KAZN: variants seen among roughly 807,000 people sequenced by gnomAD.
The protein encoded by KAZN is kazrin, periplakin interacting protein.
Under a neutral mutation model 87.4 loss-of-function variants are expected in KAZN, and 40 were observed. The ratio of observed to expected loss-of-function variants is 0.46; its 90% CI spans 0.36 to 0.60. KAZN has a LOEUF of 0.60. Among genes scored for constraint, KAZN ranks in the 20% least tolerant of loss-of-function variants. The pLI is 0.00. For missense variants in KAZN, 898 were observed against 1,073.9 expected, an observed-to-expected ratio of 0.84 and a Z score of 2.29; for synonymous variants, 466 against 458.3, an observed-to-expected ratio of 1.02 and a Z score of -0.22.
chr1:15,066,418 G>T lies in KAZN; in HGVS notation c.1222+665G>T, dbSNP rs554613375. 1.0e-6 allele frequency: 1 copy of T among 984,382 alleles called. No individual in the cohort carries two copies. The highest frequency in any genetic ancestry group is 1.8e-5 in the African/African-American group (1 of 57,024). 61.0% of individuals were successfully genotyped at this position (984,382 alleles called of 1,614,324 possible). ...GTCACTTTAACCACAAAACGCCATC[G>T]TCGTCAGGGTAAGCTCTGCTCTCTA... On this transcript the variant is annotated intron_variant, in intron 8 of 14. Coordinates refer to ENST00000376030, the MANE Select transcript of KAZN (RefSeq NM_201628.3). This position sits in a 1 kb window ranked among gnomAD's most constrained non-coding sequence, Gnocchi z 4.3.
At chr1:14,917,838 ACTT>A (rs971282037) in intron 1 of KAZN, among the ~76,000 whole-genome samples, 1 of 140,600 alleles carries the variant, frequency 7.1e-6, no homozygotes, top group African/African-American at 2.6e-5. Flanking sequence ...ATCTAAATGT[ACTT>A]CTTTCTTTCT....
chr1:14,388,182 G>T (rs572828220), intron 2 of KAZN, among the ~76,000 whole-genome samples: 1 of 152,272 alleles, frequency 6.6e-6, no homozygotes, highest in Admixed American at 6.5e-5. Context: ...CTGGCACACG[G>T]TGCGAGCACC....
chr1:14,557,422 T>C (rs960655385), intron 2 of KAZN, among the ~76,000 whole-genome samples: 10 of 152,152 alleles, frequency 6.6e-5, no homozygotes, highest in African/African-American at 1.7e-4. Flanking sequence ...AGGTGCCAGA[T>C]ACATAAATGA....
In KAZN at chr1:14,949,658, C is replaced by T. The variant is rs1035263478; in HGVS notation, c.227-11026C>T. On this transcript the variant is annotated intron_variant, in intron 1 of 14. Coordinates refer to ENST00000376030, the MANE Select transcript of KAZN (RefSeq NM_201628.3). The surrounding 1 kb of genome is among the most constrained non-coding windows in gnomAD (Gnocchi z 4.3). The stretch of plus-strand genomic sequence containing the variant: ...ACCTCCGGCAGACCCCAGGGGGCTG[C>T]GTCCTGCAGTGCCAATCCTCAGGTG... Among the ~76,000 whole-genome samples, 2 of 152,188 alleles carry T rather than the reference C, an allele frequency of 1.3e-5. No individual in the cohort carries two copies. The highest frequency in any genetic ancestry group is 2.9e-5 in the Non-Finnish European group (2 of 68,030).
chr1:14,261,709 T>C (rs6688526), intron 2 of KAZN, among the ~76,000 whole-genome samples: 151,985 of 152,292 alleles, frequency 1, 75,841 homozygotes, highest in Middle Eastern at 1. Context: ...CCGATTGGTA[T>C]TCATCTTGGA....
chr1:14,040,205 C>A (rs2101392091), intron 1 of KAZN, among the ~76,000 whole-genome samples: 1 of 152,120 alleles, frequency 6.6e-6, no homozygotes, highest in African/African-American at 2.4e-5. Context: ...TGACTCATTT[C>A]CACCAAATGT....
intron 2 of KAZN, among the ~76,000 whole-genome samples, chr1:14,275,071 T>C (rs2100694634): frequency 6.6e-6 from 1 of 152,280 alleles, no homozygotes; most frequent in Admixed American, 6.5e-5. Context: ...AAGAATGATT[T>C]TTAAAAGACC....
intron 2 of KAZN, among the ~76,000 whole-genome samples, chr1:14,467,999 A>G (rs535048420): frequency 1.3e-5 from 2 of 152,302 alleles, no homozygotes; most frequent in South Asian, 4.1e-4. Context: ...AGTTTGGCTT[A>G]GCTTCTTCTG....
intron 1 of KAZN, among the ~76,000 whole-genome samples, chr1:14,807,311 G>A (rs2100768431): frequency 6.6e-6 from 1 of 152,286 alleles, no homozygotes; most frequent in South Asian, 2.1e-4. Flanking sequence ...GGCTTTGCGA[G>A]TCATTCTGAA....
intron 2 of KAZN, among the ~76,000 whole-genome samples, chr1:14,477,447 C>CT (rs1668811219): frequency 3.4e-5 from 5 of 148,046 alleles, no homozygotes; most frequent in Admixed American, 6.7e-5. Flanking sequence ...TCTCTCTCCC[C>CT]CTCTCTCTCT....
At chr1:14,500,334 T>C (rs1670171173) in intron 2 of KAZN, among the ~76,000 whole-genome samples, 1 of 152,166 alleles carries the variant, frequency 6.6e-6, no homozygotes, top group Admixed American at 6.6e-5. Context: ...CCAAACGTAT[T>C]TGCACACAGA....
intron 2 of KAZN, among the ~76,000 whole-genome samples, chr1:15,003,486 T>C: frequency 6.6e-6 from 1 of 152,278 alleles, no homozygotes; most frequent in South Asian, 2.1e-4. Context: ...GGTTATCCCA[T>C]ACCAGTGATA....
intron 8 of KAZN, among the ~76,000 whole-genome samples, chr1:15,086,681 G>C (rs183545668): frequency 3.9e-5 from 6 of 152,330 alleles, no homozygotes; most frequent in Admixed American, 3.9e-4. Flanking sequence ...AAATTATGGG[G>C]TTTCAAAAGA....
intron 3 of KAZN, among the ~76,000 whole-genome samples, chr1:15,035,853 G>A (rs540448618): frequency 2.6e-5 from 4 of 152,138 alleles, no homozygotes; most frequent in African/African-American, 4.8e-5. Flanking sequence ...TCTGCCCTGC[G>A]TAGGCACCTT....
At chr1:14,937,245 C>T (rs1660563203) in intron 1 of KAZN, among the ~76,000 whole-genome samples, 1 of 152,224 alleles carries the variant, frequency 6.6e-6, no homozygotes, top group African/African-American at 2.4e-5. Context: ...GTTATAGGAC[C>T]AGAGGAGAGC....
At chr1:13,934,502 A>G (rs1275686799) in intron 1 of KAZN, among the ~76,000 whole-genome samples, 1 of 152,230 alleles carries the variant, frequency 6.6e-6, no homozygotes, top group Non-Finnish European at 1.5e-5. Flanking sequence ...AGACACGGCT[A>G]GAAAATCTCC....
chr1:14,855,750 G>A (rs931520626), intron 1 of KAZN, among the ~76,000 whole-genome samples: 7 of 152,164 alleles, frequency 4.6e-5, no homozygotes, highest in South Asian at 4.1e-4. Flanking sequence ...TGGAAATACC[G>A]AAGCCAGACA....
intron 1 of KAZN, among the ~76,000 whole-genome samples, chr1:14,175,865 A>T (rs1307205947): frequency 6.6e-6 from 1 of 152,192 alleles, no homozygotes; most frequent in Non-Finnish European, 1.5e-5. Context: ...AGGATGGTAG[A>T]GGAAAATGAG....
chr1:14,772,328 T>G (rs1374158987), intron 1 of KAZN, among the ~76,000 whole-genome samples: 1 of 151,784 alleles, frequency 6.6e-6, no homozygotes, highest in African/African-American at 2.4e-5. Flanking sequence ...TATAAAAAAT[T>G]TAACAATTAG....
Sources: gnomAD v4.1 joint callset for allele counts (sites outside exome capture counted in the v4.1 genomes callset) on GRCh38, gnomAD v4.1.1 for gene constraint, Gnocchi (gnomAD v3.1) non-coding constraint, MANE v1.5 for transcripts, NCBI Gene and HGNC (gene_info 2026-07-23, HGNC 2026-07-21) for gene names.